Variants in SLCO3A1 observed in about 807,000 individuals in gnomAD.
The protein encoded by SLCO3A1 is solute carrier organic anion transporter family member 3A1.
A neutral mutation model predicts 63.1 loss-of-function variants in SLCO3A1; 27 were observed. The observed-to-expected ratio is 0.43, with a 90% CI of 0.32 to 0.59. The LOEUF is 0.59. SLCO3A1 is among the 20% of genes least tolerant of loss of function. SLCO3A1 has a pLI of 0.09. For synonymous variants in SLCO3A1, 473 were observed against 409.9 expected, an observed-to-expected ratio of 1.15 and a Z score of -1.86; for missense variants, 773 against 945.8, an observed-to-expected ratio of 0.82 and a Z score of 2.40.
intron 2 of SLCO3A1, among the ~76,000 whole-genome samples, chr15:92,003,320 C>CACATGTCCTGTCTCACCCCTAGTGG (rs1297747595): frequency 6.6e-5 from 10 of 152,232 alleles, no homozygotes; most frequent in African/African-American, 2.4e-4. Flanking sequence ...AAATGACTTA[C>CACATGTCCTGTCTCACCCCTAGTGG]ACATGTCCTG....
At chr15:92,122,320 A>G (rs1174985029) in intron 5 of SLCO3A1, among the ~76,000 whole-genome samples, 1 of 152,236 alleles carries the variant, frequency 6.6e-6, no homozygotes, top group East Asian at 1.9e-4. Flanking sequence ...AGTAGGAGTC[A>G]GATTGTCTGC....
chr15:92,031,005 C>CT, intron 2 of SLCO3A1, among the ~76,000 whole-genome samples: 1 of 79,868 alleles, frequency 1.3e-5, no homozygotes, highest in Non-Finnish European at 2.3e-5. Flanking sequence ...TGGGCTTGGG[C>CT]TGTACCCTGT....
rs1345561530 is a variant in SLCO3A1 at position 91,872,177 on chromosome 15, A to T, written c.180+18089A>T. On this transcript the variant is annotated intron_variant, in intron 1 of 9. Coordinates refer to ENST00000318445, the MANE Select transcript of SLCO3A1 (RefSeq NM_013272.4). This position sits in a 1 kb window ranked among gnomAD's most constrained non-coding sequence, Gnocchi z 4.1. ...CTGATCGAACTCTCACACAAATCCC[A>T]TGCAGTAGATGTCATTATTTCTCTT... Among the ~76,000 whole-genome samples, 3 of 152,192 alleles carry T rather than the reference A, an allele frequency of 2.0e-5. No individual in the cohort carries two copies. Among genetic ancestry groups the T allele is most frequent in the Admixed American group, 6.5e-5 (1 of 15,284 alleles).
rs569055545 is a variant in SLCO3A1, at chr15:91,880,042, T to A, written c.180+25954T>A. ...GTGTTCCTCTTTCATTTAGTCTCCT[T>A]GGAAAGAAAAAGTGCTCCAGATAGA... On this transcript the variant is annotated intron_variant, in intron 1 of 9. Coordinates refer to ENST00000318445, the MANE Select transcript of SLCO3A1 (RefSeq NM_013272.4). 6.6e-5 allele frequency among the ~76,000 whole-genome samples: 10 copies of A among 152,158 alleles called. No homozygotes were observed. In the South Asian group the frequency reaches 2.1e-3, roughly 32 times the overall value.
At position 91,900,519 on chromosome 15, in the gene SLCO3A1, G is replaced by A. The variant is rs1306935315; in HGVS notation, c.181-15474G>A. ...TAATTTTTGTATTTTCAGTAGAGAC[G>A]GGTTTCACCATGTTGGCCAGGCTTG... On this transcript the variant is annotated intron_variant, in intron 1 of 9. Coordinates refer to ENST00000318445, the MANE Select transcript of SLCO3A1 (RefSeq NM_013272.4). This position sits in a 1 kb window ranked among gnomAD's most constrained non-coding sequence, Gnocchi z 4.3. Among the ~76,000 whole-genome samples the A allele has an allele frequency of 6.6e-6, 1 of 152,006 alleles. No individual in the cohort carries two copies. Among genetic ancestry groups the A allele is most frequent in the African/African-American group, 2.4e-5 (1 of 41,406 alleles).
downstream of SLCO3A1, among the ~76,000 whole-genome samples, chr15:92,170,019 T>G (rs2048513056): frequency 6.6e-6 from 1 of 152,230 alleles, no homozygotes. Flanking sequence ...TTGATTACGT[T>G]CTTTTGCTAT....
intron 2 of SLCO3A1, among the ~76,000 whole-genome samples, chr15:92,085,629 T>C (rs546450347): frequency 2.6e-5 from 4 of 152,248 alleles, no homozygotes; most frequent in Non-Finnish European, 5.9e-5. Context: ...CATACGTGTG[T>C]ATTAAAAATA....
chr15:91,933,020 C>T (rs1899288960), intron 2 of SLCO3A1, among the ~76,000 whole-genome samples: 1 of 152,112 alleles, frequency 6.6e-6, no homozygotes. Flanking sequence ...CCCATTTCAA[C>T]TATTTTGTTA....
chr15:92,164,546 G>A lies in SLCO3A1; in HGVS notation c.*1411G>A, dbSNP rs1355976634. ...CTTAGATGTGGGTTTGTGTGTATGG[G>A]TGCAACACTTCCGGGGATAGGAAAG... On this transcript the variant is annotated 3_prime_UTR_variant, in exon 10 of 10. Coordinates refer to ENST00000318445, the MANE Select transcript of SLCO3A1 (RefSeq NM_013272.4). The A allele has an allele frequency of 1.0e-6, 1 of 985,298 alleles. No homozygotes were observed. The highest frequency in any genetic ancestry group is 6.1e-5 in the Admixed American group (1 of 16,266). 61.0% of individuals were successfully genotyped at this position (985,298 alleles called of 1,614,324 possible).
intron 2 of SLCO3A1, among the ~76,000 whole-genome samples, chr15:91,923,891 A>C (rs962059365): frequency 6.6e-6 from 1 of 152,210 alleles, no homozygotes; most frequent in Non-Finnish European, 1.5e-5. Flanking sequence ...TTATTTTGTC[A>C]ATCTAGAAAT....
rs984914042 is a variant in SLCO3A1 at position 92,165,707 on chromosome 15, C to T, written c.*2572C>T. ...GTCGTCTTTTAAAATTTTAATTATT[C>T]TCATATAGTACCGAACAGAAAACTC... On this transcript the variant is annotated 3_prime_UTR_variant, in exon 10 of 10. Transcript: ENST00000318445. 4.1e-6 allele frequency: 4 copies of T among 985,012 alleles called. No homozygotes were observed. The highest frequency in any genetic ancestry group is 4.8e-6 in the Non-Finnish European group (4 of 829,746). The allele number at this position is 985,012 out of a possible 1,614,324, so 61.0% of individuals were successfully genotyped here.
At chr15:91,879,135 A>G (rs1897485142) in intron 1 of SLCO3A1, among the ~76,000 whole-genome samples, 1 of 152,298 alleles carries the variant, frequency 6.6e-6, no homozygotes, top group Non-Finnish European at 1.5e-5. Flanking sequence ...CACTTTTCCA[A>G]AGGCAATAGA....
Position 92,006,670 on chromosome 15 carries a change from T to C in SLCO3A1, c.647-88211T>C, listed in dbSNP as rs568122815. On this transcript the variant is annotated intron_variant, in intron 2 of 9. Transcript: ENST00000318445. ...ACAATTTCCTATTCATTTAAATGAC[T>C]GCCGTTATTGTTAAAGACTCAACTC... Among the ~76,000 whole-genome samples the C allele has an allele frequency of 2.4e-3, 367 of 152,346 alleles. 1 individual carries two copies. The highest frequency in any genetic ancestry group is 3.2e-3 in the Non-Finnish European group (219 of 68,028).
chr15:91,913,994 ACCC>A (rs1898568999), intron 1 of SLCO3A1, among the ~76,000 whole-genome samples: 28 of 151,840 alleles, frequency 1.8e-4, no homozygotes, highest in Admixed American at 1.5e-3. Context: ...ACCTGGTGTG[ACCC>A]CTACACTATT....
intron 2 of SLCO3A1, among the ~76,000 whole-genome samples, chr15:91,999,884 C>T (rs1326933275): frequency 6.6e-6 from 1 of 152,132 alleles, no homozygotes; most frequent in East Asian, 1.9e-4. Context: ...CTCTCGAAAA[C>T]CATAGATACA....
chr15:91,979,132 T>C (rs746817616), intron 2 of SLCO3A1, among the ~76,000 whole-genome samples: 12 of 152,068 alleles, frequency 7.9e-5, no homozygotes, highest in Non-Finnish European at 1.6e-4. Flanking sequence ...ATCAAGCGAG[T>C]TTACATATAC....
intron 2 of SLCO3A1, among the ~76,000 whole-genome samples, chr15:91,944,798 G>A (rs1223364143): frequency 6.6e-6 from 1 of 152,104 alleles, no homozygotes. Context: ...ATCCAGAGGG[G>A]GAAAGGCACG....
At chr15:92,140,326 C>T (rs1398804283) in intron 7 of SLCO3A1, among the ~76,000 whole-genome samples, 1 of 140,354 alleles carries the variant, frequency 7.1e-6, no homozygotes, top group Non-Finnish European at 1.5e-5. Context: ...AGTTTGATTG[C>T]ACTGTGGTCT....
At chr15:91,945,495 G>T (rs1217231904) in intron 2 of SLCO3A1, among the ~76,000 whole-genome samples, 1 of 152,196 alleles carries the variant, frequency 6.6e-6, no homozygotes, top group African/African-American at 2.4e-5. Context: ...CACAATAGCG[G>T]CAAGTTGTAA....
Sources: gnomAD v4.1 joint callset for allele counts (sites outside exome capture counted in the v4.1 genomes callset) on GRCh38, gnomAD v4.1.1 for gene constraint, Gnocchi (gnomAD v3.1) non-coding constraint, MANE v1.5 for transcripts, NCBI Gene and HGNC (gene_info 2026-07-23, HGNC 2026-07-21) for gene names.